The following HFM1 variants were observed in gnomAD, a reference collection of about 807,000 sequenced individuals.
HFM1 encodes helicase for meiosis 1, also known as probable ATP-dependent DNA helicase HFM1.
HFM1 carries 169 observed loss-of-function variants against 192.1 expected under a neutral mutation model. The observed-to-expected ratio is 0.88, with a 90% confidence interval of 0.78 to 1.00. The LOEUF is 1.00. Among genes scored for constraint, HFM1 ranks in the 50% least tolerant of loss-of-function variants. The pLI is 0.00. For synonymous variants in HFM1, 525 were observed against 537.8 expected (o/e 0.98, Z 0.33); for missense variants, 1,661 against 1,668.0 (o/e 1.00, Z 0.07).
Position 91,316,147 on chromosome 1 carries a change from T to C in HFM1, c.2936A>G (p.Lys979Arg). 6.3e-7 allele frequency: 1 copy of C among 1,593,056 alleles called. No individual in the cohort carries two copies. Among genetic ancestry groups the C allele is most frequent in the Admixed American group, 1.7e-5 (1 of 58,752 alleles). The change falls in exon 27 of 39, where the codon AAA becomes AGA. Residue 979 changes from lysine (K) to arginine (R), a missense_variant. Physicochemically the swap from Lys to Arg is conservative, Grantham distance 26. Transcript: ENST00000370425. ...NRHPPFGTQI[K>R]ETVMYLPKYE... Reference sequence around the variant, plus strand: ...TTTTGGTAGATACATCACAGTTTCTTTTATCTGGGTTCCAAAGGGGGGATG... The same window carrying C: ...TTTTGGTAGATACATCACAGTTTCTCTTATCTGGGTTCCAAAGGGGGGATG...
intron 30 of HFM1, among the ~76,000 whole-genome samples, chr1:91,284,242 T>A (rs527719321): frequency 1.5e-3 from 226 of 150,650 alleles, no homozygotes; most frequent in Non-Finnish European, 2.4e-3. Flanking sequence ...TATTATTATA[T>A]TATTATTATT....
chr1:91,401,329 T>C (rs951299426), intron 1 of HFM1, among the ~76,000 whole-genome samples: 1 of 152,230 alleles, frequency 6.6e-6, no homozygotes, highest in South Asian at 2.1e-4. Flanking sequence ...CTTCTCTTCA[T>C]AGTGCTCCAA....
intron 30 of HFM1, among the ~76,000 whole-genome samples, chr1:91,300,543 T>C (rs1027517166): frequency 3.8e-4 from 58 of 151,712 alleles, no homozygotes; most frequent in South Asian, 2.1e-4. Flanking sequence ...CAATAAAATA[T>C]TGGCAAACTA....
Position 91,276,761 on chromosome 1 carries a change from A to G in HFM1, c.3473-18T>C, listed in dbSNP as rs1182201785. 8.4e-7 allele frequency: 1 copy of G among 1,188,196 alleles called. No homozygotes were observed. The highest frequency in any genetic ancestry group is 1.2e-6 in the Non-Finnish European group (1 of 844,810). 73.6% of individuals were successfully genotyped at this position (1,188,196 alleles called of 1,614,324 possible). ...AATTTTACCTATGAAAAGAAACTTC[A>G]GATTCTTTAGGTTAAACTTCAGATC... On this transcript the variant is annotated intron_variant, in intron 31 of 38. Transcript: ENST00000370425.
chr1:91,385,062 C>T (rs1311912070), intron 6 of HFM1, 125 bp downstream of exon 6: 3 of 687,402 alleles, frequency 4.4e-6, no homozygotes, highest in South Asian at 4.1e-5. Context: ...TCTTACAACA[C>T]CAAAAAGATT....
In HFM1 at chr1:91,319,370, C is replaced by T; in HGVS notation, c.2603G>A (p.Gly868Glu). 6.2e-7 allele frequency: 1 copy of T among 1,611,512 alleles called. No individual in the cohort carries two copies. The highest frequency in any genetic ancestry group is 8.5e-7 in the Non-Finnish European group (1 of 1,177,776). Residue 868 changes from glycine (G) to glutamate (E), a missense_variant, in exon 24 of 39, where the codon GGA becomes GAA. Transcript: ENST00000370425. Reference protein sequence around the residue: ...KVNCLIQAQLGCIPIQDFALT... With the variant: ...KVNCLIQAQLECIPIQDFALT... ...AGCAAAATCTTGTATGGGAATGCAT[C>T]CTAGTTGAGCCTGAATAAGACTGGG...
Position 91,343,440 on chromosome 1 carries a change from G to T in HFM1, c.2325C>A (p.Phe775Leu), listed in dbSNP as rs759737721. Reference protein sequence around the residue: ...DLIKMDEGVNFKPTEAGRLMA... With the variant: ...DLIKMDEGVNLKPTEAGRLMA... ...ATGATAAGAAATTACCAGTTGGTTTGAAATTAACACCTTCATCCATCTTTA... is the reference window on the plus strand; with the variant it reads ...ATGATAAGAAATTACCAGTTGGTTTTAAATTAACACCTTCATCCATCTTTA... Residue 775 changes from phenylalanine to leucine, a missense_variant, in exon 20 of 39, where the codon TTC becomes TTA. Coordinates refer to ENST00000370425, the MANE Select transcript of HFM1 (RefSeq NM_001017975.6). 1.1e-5 allele frequency: 16 copies of T among 1,396,574 alleles called. No homozygotes were observed. In the East Asian group the frequency reaches 3.6e-4, roughly 32 times the overall value. The allele number at this position is 1,396,574 out of a possible 1,614,324, so 86.5% of individuals were successfully genotyped here.
chr1:91,294,281 G>A (rs12757442), intron 30 of HFM1, among the ~76,000 whole-genome samples: 30,925 of 151,882 alleles, frequency 0.2, 3,764 homozygotes, highest in South Asian at 0.35. Flanking sequence ...CAGGTACCAG[G>A]GATTAGACCA....
intron 18 of HFM1, among the ~76,000 whole-genome samples, chr1:91,349,254 C>T (rs987223045): frequency 2.7e-5 from 4 of 150,698 alleles, no homozygotes; most frequent in Admixed American, 6.6e-5. Context: ...TGCCACTGCA[C>T]TCCAGTCTGG....
At chr1:91,266,431 G>A (rs959277131) in intron 35 of HFM1, among the ~76,000 whole-genome samples, 3 of 152,124 alleles carry the variant, frequency 2.0e-5, no homozygotes, top group African/African-American at 4.8e-5. Context: ...ATTCACTGTG[G>A]AACTGATTGC....
intron 34 of HFM1, among the ~76,000 whole-genome samples, chr1:91,272,382 A>AT: frequency 6.6e-6 from 1 of 152,238 alleles, no homozygotes; most frequent in East Asian, 1.9e-4. Context: ...TTAAAAAAAA[A>AT]ATGGCCCACT....
At chr1:91,274,431 C>T (rs1666610653) in intron 33 of HFM1, among the ~76,000 whole-genome samples, 1 of 151,978 alleles carries the variant, frequency 6.6e-6, no homozygotes, top group East Asian at 1.9e-4. Flanking sequence ...TTAAAGTATA[C>T]TCTTGTCACT....
chr1:91,291,953 CAT>C (rs900254070), intron 30 of HFM1, among the ~76,000 whole-genome samples: 3 of 152,154 alleles, frequency 2.0e-5, no homozygotes, highest in Non-Finnish European at 2.9e-5. Context: ...ACAAAAACCA[CAT>C]GATTATCTCA....
chr1:91,285,128 G>A (rs1322235542), intron 30 of HFM1, among the ~76,000 whole-genome samples: 1 of 152,078 alleles, frequency 6.6e-6, no homozygotes, highest in Admixed American at 6.5e-5. Context: ...CCATGATTGT[G>A]AGGCCTCCCC....
At chr1:91,390,916 A>G (rs1010393354) in intron 4 of HFM1, among the ~76,000 whole-genome samples, 17 of 152,246 alleles carry the variant, frequency 1.1e-4, no homozygotes. Context: ...GTCTCAGGAT[A>G]CAAAATCAAC....
Position 91,324,766 on chromosome 1 carries a change from T to C in HFM1, c.2336A>G (p.Glu779Gly). ...ATACCAAGCCATCAATCTTCCTGCT[T>C]CTGTAAGAAAAGACAGAAAAATGAA... ...MDEGVNFKPT[E>G]AGRLMAWYYI... Residue 779 changes from glutamate to glycine, a missense_variant and splice_region_variant, in exon 21 of 39, where the codon GAA becomes GGA. Glu to Gly is a moderately conservative substitution (Grantham distance 98, BLOSUM62 -2). Coordinates refer to ENST00000370425, the MANE Select transcript of HFM1 (RefSeq NM_001017975.6). 1.6e-5 allele frequency: 25 copies of C among 1,535,038 alleles called. No homozygotes were observed. Among genetic ancestry groups the C allele is most frequent in the Non-Finnish European group, 2.3e-5 (25 of 1,109,184 alleles).
intron 6 of HFM1, 67 bp from the exon 7 acceptor site, chr1:91,381,049 T>G: frequency 1.4e-6 from 1 of 729,886 alleles, no homozygotes; most frequent in Non-Finnish European, 2.4e-6. Context: ...ATTTTAAAAC[T>G]AAGTTACATT....
At chr1:91,329,235 G>A in intron 20 of HFM1, 3 of 1,609,784 alleles carry the variant, frequency 1.9e-6, no homozygotes, top group East Asian at 2.2e-5. Context: ...CTTGGAACCT[G>A]AGGTGCTGGG....
At chr1:91,304,277 G>A (rs764998927) in intron 30 of HFM1, among the ~76,000 whole-genome samples, 2 of 152,064 alleles carry the variant, frequency 1.3e-5, no homozygotes, top group Non-Finnish European at 2.9e-5. Flanking sequence ...CTCCCATTCC[G>A]TGGGTTGTCT....
Sources: gnomAD v4.1 joint callset for allele counts (sites outside exome capture counted in the v4.1 genomes callset) on GRCh38, gnomAD v4.1.1 for gene constraint, MANE v1.5 for transcripts, NCBI Gene and HGNC (gene_info 2026-07-23, HGNC 2026-07-21) for gene names.